CNTN4: variants seen among roughly 807,000 people sequenced by gnomAD.
CNTN4 encodes the protein contactin 4.
In CNTN4, 77 loss-of-function variants were observed where a neutral mutation model predicts 122.5. The observed-to-expected ratio is 0.63, with a 90% CI of 0.52 to 0.76. The LOEUF is 0.76. Ranked by LOEUF, CNTN4 falls within the 30% of genes least tolerant of loss-of-function variation. The pLI, the probability that CNTN4 is intolerant of heterozygous loss-of-function variation, is 0.00. For synonymous variants in CNTN4, 512 were observed against 447.0 expected, an observed-to-expected ratio of 1.15 and a Z score of -1.83; for missense variants, 1,256 against 1,259.1, an observed-to-expected ratio of 1.00 and a Z score of 0.04.
At chr3:2,584,697 C>CAAAAAAAAAAAAAAAAAAA (rs67755648) in intron 4 of CNTN4, among the ~76,000 whole-genome samples, 1 of 73,162 alleles carries the variant, frequency 1.4e-5, no homozygotes, top group African/African-American at 5.8e-5. Context: ...AACTCCGTCT[C>CAAAAAAAAAAAAAAAAAAA]AAAAAAAAAA....
At chr3:2,239,431 C>T (rs528151692) in intron 2 of CNTN4, among the ~76,000 whole-genome samples, 1 of 152,124 alleles carries the variant, frequency 6.6e-6, no homozygotes, top group Admixed American at 6.6e-5. Flanking sequence ...CAAAAATGAC[C>T]AAATTACAAC....
chr3:2,540,367 C>G (rs1054417948), intron 3 of CNTN4, among the ~76,000 whole-genome samples: 2 of 151,922 alleles, frequency 1.3e-5, no homozygotes, highest in Admixed American at 1.3e-4. Flanking sequence ...AGGCATGTGT[C>G]TCGTGGGCAT....
intron 4 of CNTN4, among the ~76,000 whole-genome samples, chr3:2,711,073 G>GAATGAACT (rs564068825): frequency 1.2e-4 from 19 of 152,206 alleles, no homozygotes; most frequent in Non-Finnish European, 2.1e-4. Flanking sequence ...AATATTTTCT[G>GAATGAACT]AATGAACTGT....
chr3:2,598,917 C>A (rs2080896946), intron 4 of CNTN4, among the ~76,000 whole-genome samples: 1 of 151,930 alleles, frequency 6.6e-6, no homozygotes, highest in Admixed American at 6.6e-5. Flanking sequence ...AGGGCATTTT[C>A]AAATGGGAGA....
chr3:2,967,671 T>A (rs1692459327), intron 13 of CNTN4, among the ~76,000 whole-genome samples: 1 of 152,136 alleles, frequency 6.6e-6, no homozygotes, highest in Non-Finnish European at 1.5e-5. Context: ...AATTTTGCAA[T>A]GGCAGTTTCC....
rs138464093 is a variant in CNTN4, at chr3:2,864,470, G to A, written c.455-2282G>A. Among the ~76,000 whole-genome samples the A allele has an allele frequency of 4.1e-3, 627 of 152,038 alleles. 5 individuals are homozygous for A. The highest frequency in any genetic ancestry group is 0.015 in the African/African-American group (602 of 41,460). On this transcript the variant is annotated intron_variant, in intron 7 of 24. Transcript: ENST00000418658. ...AAATCATTTCCTAGCCAGGCGCGGTGGCTCACACCTGTAATCCCAGCACTT... is the reference window on the plus strand; with the variant it reads ...AAATCATTTCCTAGCCAGGCGCGGTAGCTCACACCTGTAATCCCAGCACTT...
intron 2 of CNTN4, among the ~76,000 whole-genome samples, chr3:2,202,734 G>A (rs2038155794): frequency 6.6e-6 from 1 of 152,096 alleles, no homozygotes; most frequent in African/African-American, 2.4e-5. Flanking sequence ...AACTTTAAAT[G>A]TAACTTACTG....
chr3:2,702,414 A>G (rs1405343837), intron 4 of CNTN4, among the ~76,000 whole-genome samples: 1 of 152,256 alleles, frequency 6.6e-6, no homozygotes, highest in African/African-American at 2.4e-5. Flanking sequence ...GTGATGTAGC[A>G]TATTTTCATT....
At chr3:2,173,075 G>T (rs547419947) in intron 2 of CNTN4, among the ~76,000 whole-genome samples, 20 of 152,256 alleles carry the variant, frequency 1.3e-4, no homozygotes, top group African/African-American at 4.6e-4. Context: ...CTAAATTGGG[G>T]CTTTTCAGTT....
At chr3:2,147,459 AT>A (rs1430158562) in intron 2 of CNTN4, among the ~76,000 whole-genome samples, 1 of 152,178 alleles carries the variant, frequency 6.6e-6, no homozygotes, top group Non-Finnish European at 1.5e-5. Context: ...GGGCTCGTTA[AT>A]TTTTATGTAT....
chr3:2,802,346 C>A (rs985125890), intron 6 of CNTN4, among the ~76,000 whole-genome samples: 1 of 152,204 alleles, frequency 6.6e-6, no homozygotes, highest in Non-Finnish European at 1.5e-5. Context: ...CTCGTTTGAG[C>A]TCTAGGTGTA....
At chr3:2,820,836 A>G (rs942358005) in intron 7 of CNTN4, among the ~76,000 whole-genome samples, 1 of 151,900 alleles carries the variant, frequency 6.6e-6, no homozygotes, top group Non-Finnish European at 1.5e-5. Context: ...CATAGAATCT[A>G]CGATCACTTT....
At chr3:2,201,218 G>C (rs1265137619) in intron 2 of CNTN4, among the ~76,000 whole-genome samples, 1 of 152,126 alleles carries the variant, frequency 6.6e-6, no homozygotes, top group Non-Finnish European at 1.5e-5. Context: ...ACCTTAAAAT[G>C]AGGGAAACAA....
At chr3:2,746,230 C>T (rs2089764813) in intron 6 of CNTN4, among the ~76,000 whole-genome samples, 2 of 152,100 alleles carry the variant, frequency 1.3e-5, no homozygotes, top group South Asian at 2.1e-4. Flanking sequence ...GTCAATTAAT[C>T]CTACAATTCT....
chr3:2,520,710 T>C (rs1216924590), intron 3 of CNTN4, among the ~76,000 whole-genome samples: 1 of 148,558 alleles, frequency 6.7e-6, no homozygotes, highest in Non-Finnish European at 1.5e-5. Flanking sequence ...CTAAATTCCA[T>C]TTAATTTTCC....
intron 3 of CNTN4, among the ~76,000 whole-genome samples, chr3:2,401,878 C>A (rs985818449): frequency 1.3e-5 from 2 of 152,140 alleles, no homozygotes; most frequent in African/African-American, 2.4e-5. Context: ...ATATTTTAAT[C>A]CTACAAAAGC....
At chr3:2,749,167 G>GT (rs921753820) in intron 6 of CNTN4, among the ~76,000 whole-genome samples, 1 of 151,604 alleles carries the variant, frequency 6.6e-6, no homozygotes, top group African/African-American at 2.4e-5. Flanking sequence ...AGAATTTTTT[G>GT]TTTTTTTATT....
rs183320547 is a variant in CNTN4 at position 2,448,148 on chromosome 3, G to A, written c.-89+108915G>A. Among the ~76,000 whole-genome samples the A allele has an allele frequency of 2.0e-5, 3 of 152,306 alleles. No homozygotes were observed. The East Asian group carries it at 5.8e-4, about 29-fold the overall frequency. ...AAATAGTCCTGTGGTCCCCTATGAT[G>A]AGGTGAGCGTAGCCAAGCCCAGAGC... On this transcript the variant is annotated intron_variant, in intron 3 of 24. Coordinates refer to ENST00000418658, the MANE Select transcript of CNTN4 (RefSeq NM_175607.3).
chr3:2,557,863 G>A (rs2078785576), intron 3 of CNTN4, among the ~76,000 whole-genome samples: 1 of 151,558 alleles, frequency 6.6e-6, no homozygotes, highest in African/African-American at 2.4e-5. Context: ...TGACTATATT[G>A]ATTGCATCTT....
Sources: gnomAD v4.1 joint callset for allele counts (sites outside exome capture counted in the v4.1 genomes callset) on GRCh38, gnomAD v4.1.1 for gene constraint, MANE v1.5 for transcripts, NCBI Gene and HGNC (gene_info 2026-07-23, HGNC 2026-07-21) for gene names.